Variants in SLC6A8 observed in about 807,000 individuals in gnomAD.
SLC6A8 encodes sodium- and chloride-dependent creatine transporter 1.
A neutral mutation model predicts 48.3 loss-of-function variants in SLC6A8; 6 were observed. The observed-to-expected ratio is 0.12, with a 90% CI of 0.07 to 0.25. The LOEUF is 0.25. Ranked by LOEUF, SLC6A8 falls within the 10% of genes least tolerant of loss-of-function variation. The probability of loss-of-function intolerance (pLI) is 1.00; values close to 1 mark genes in which losing one functional copy is unlikely to be tolerated. For synonymous variants in SLC6A8, 245 were observed against 244.0 expected (o/e 1.00, Z -0.04); for missense variants, 260 against 551.5 (o/e 0.47, Z 5.29).
chrX:153,690,020 C>T (rs1218599645), intron 1 of SLC6A8, among the ~76,000 whole-genome samples: 1 of 113,062 alleles, frequency 8.8e-6, no homozygotes, highest in East Asian at 2.8e-4. Flanking sequence ...CGTGCCCTCA[C>T]TGTGCTGCCT....
chrX:153,695,860 A>C lies in SLC6A8; in HGVS notation c.*646A>C, dbSNP rs1212073359. 1 of 125,702 alleles carries C rather than the reference A, an allele frequency of 8.0e-6. No individual in the cohort carries two copies. Among genetic ancestry groups the C allele is most frequent in the African/African-American group, 3.2e-5 (1 of 31,234 alleles). 10.4% of individuals were successfully genotyped at this position (125,702 alleles called of 1,213,427 possible). On this transcript the variant is annotated 3_prime_UTR_variant, in exon 13 of 13. Transcript: ENST00000253122. Reference sequence around the variant, plus strand: ...GTACGGAGAGTATATATAGATCTCTATCTCTTAGCAAAGGTGAATGCCAGA... The same window carrying C: ...GTACGGAGAGTATATATAGATCTCTCTCTCTTAGCAAAGGTGAATGCCAGA...
rs1250175594 is a variant in SLC6A8, at chrX:153,691,428, C to T, written c.519C>T (p.Gly173=). ...CCACGCTGCCCTGGGCCACATGTGG[C>T]CACACCTGGAACACTCCCGACTGCG... ...FTTTLPWATC[G]HTWNTPDCVE... Residue 173 remains glycine, a synonymous_variant, in exon 3 of 13, where the codon GGC becomes GGT. Transcript: ENST00000253122. 8.3e-7 allele frequency: 1 copy of T among 1,210,746 alleles called. No homozygotes were observed. The highest frequency in any genetic ancestry group is 1.1e-6 in the Non-Finnish European group (1 of 894,992).
In SLC6A8 at chrX:153,695,228, A is replaced by G; in HGVS notation, c.*14A>G. ...AGTGTCATGTGACAACTCAGCTCACATCACCAGCTCACCTCTGGTAGCCAT... is the reference window on the plus strand; with the variant it reads ...AGTGTCATGTGACAACTCAGCTCACGTCACCAGCTCACCTCTGGTAGCCAT... On this transcript the variant is annotated 3_prime_UTR_variant, in exon 13 of 13. Coordinates refer to ENST00000253122, the MANE Select transcript of SLC6A8 (RefSeq NM_005629.4). 8.5e-7 allele frequency: 1 copy of G among 1,176,318 alleles called. No homozygotes were observed. The highest frequency in any genetic ancestry group is 1.1e-6 in the Non-Finnish European group (1 of 876,396).
At chrX:153,690,091 G>A in intron 1 of SLC6A8, among the ~76,000 whole-genome samples, 1 of 113,218 alleles carries the variant, frequency 8.8e-6, no homozygotes, top group East Asian at 2.8e-4. Context: ...GTCCTCCATG[G>A]CCATCGCCCC....
Position 153,695,582 on chromosome X carries a change from C to A in SLC6A8, c.*368C>A, listed in dbSNP as rs2091486323. On this transcript the variant is annotated 3_prime_UTR_variant, in exon 13 of 13. Transcript: ENST00000253122. ...CACACCCGTGGGTGACCCCTCACCC[C>A]AGAAGCAGCAGTGGCAGCTTGGGAA... The A allele has an allele frequency of 1.8e-5, 4 of 220,250 alleles. No homozygotes were observed. In the Admixed American group the frequency reaches 2.6e-4, roughly 14 times the overall value. 18.2% of individuals were successfully genotyped at this position (220,250 alleles called of 1,213,427 possible).
At chrX:153,692,950 A>G (rs1309451939) in intron 4 of SLC6A8, 91 bp from the exon 5 acceptor site, 3 of 1,090,830 alleles carry the variant, frequency 2.8e-6, no homozygotes, top group Admixed American at 2.2e-5. Flanking sequence ...ACCTCTGAAC[A>G]TACCTGCCCG....
chrX:153,688,170 G>T lies in SLC6A8; in HGVS notation c.-405G>T, dbSNP rs1280450844. On this transcript the variant is annotated 5_prime_UTR_variant, in exon 1 of 13. Coordinates refer to ENST00000253122, the MANE Select transcript of SLC6A8 (RefSeq NM_005629.4). ...CTGCTCCGGCCGCCGCTTGCAGACC[G>T]CGGGCGCCGATGTCGCCCGCGCCCC... is the stretch of plus-strand genomic sequence containing the variant. 1.0e-5 allele frequency: 1 copy of T among 98,094 alleles called. No individual in the cohort carries two copies. The highest frequency in any genetic ancestry group is 3.7e-5 in the African/African-American group (1 of 27,318). 8.1% of individuals were successfully genotyped at this position (98,094 alleles called of 1,213,427 possible).
At position 153,694,737 on chromosome X, in the gene SLC6A8, G is replaced by A. The variant is rs782354054; in HGVS notation, c.1615G>A (p.Val539Ile). The A allele has an allele frequency of 1.7e-5, 20 of 1,209,713 alleles. No homozygotes were observed. Among genetic ancestry groups the A allele is most frequent in the Admixed American group, 6.5e-5 (3 of 45,931 alleles). Residue 539 changes from valine to isoleucine, a missense_variant, in exon 12 of 13, where the codon GTT becomes ATT. Val to Ile is a conservative substitution (Grantham distance 29). This residue lies in a region of SLC6A8 where 87 missense variants were observed against 120.9 expected (regional missense o/e 0.72). Coordinates refer to ENST00000253122, the MANE Select transcript of SLC6A8 (RefSeq NM_005629.4). ...LVCMGIFIFN[V>I]VYYEPLVYNN... ...TCCGTAGGGCATCTTCATCTTCAAC[G>A]TTGTGTACTACGAGCCGCTGGTCTA...
chrX:153,693,843 C>A, intron 7 of SLC6A8, 62 bp from the exon 8 acceptor site: 1 of 959,587 alleles, frequency 1.0e-6, no homozygotes, highest in Non-Finnish European at 1.5e-6. Flanking sequence ...GCAGGCAGGG[C>A]TCAGGGTGCG....
intron 12 of SLC6A8, 27 bp downstream of exon 12, chrX:153,694,916 C>T: frequency 1.8e-6 from 2 of 1,128,187 alleles, no homozygotes; most frequent in Non-Finnish European, 1.2e-6. Context: ...GCCCGCCCTC[C>T]CCTCCCCTGC....
intron 4 of SLC6A8, chrX:153,692,725 A>T: frequency 2.5e-6 from 1 of 394,961 alleles, no homozygotes; most frequent in Non-Finnish European, 4.7e-6. Context: ...TGCACTGCCC[A>T]CACACTCATA....
Position 153,693,030 on chromosome X carries a change from T to C in SLC6A8, c.778-11T>C, listed in dbSNP as rs59653252. ...GTGCCACAGCCTCCGCTGAGCAGCC[T>C]GGCCCCCCAGATCGTGTACTTCACT... On this transcript the variant is annotated splice_polypyrimidine_tract_variant and intron_variant, in intron 4 of 12. Transcript: ENST00000253122. The C allele has an allele frequency of 8.3e-7, 1 of 1,210,799 alleles. No individual in the cohort carries two copies.
At chrX:153,694,307 C>A in intron 9 of SLC6A8, 37 bp from the exon 10 acceptor site, 1 of 1,209,094 alleles carries the variant, frequency 8.3e-7, no homozygotes, top group African/African-American at 1.7e-5. Flanking sequence ...CTCTGGTGGC[C>A]GTCTGCCATC....
chrX:153,694,722 A>G lies in SLC6A8; in HGVS notation c.1600A>G (p.Ile534Val). 1 of 1,208,631 alleles carries G rather than the reference A, an allele frequency of 8.3e-7. No homozygotes were observed. Among genetic ancestry groups the G allele is most frequent in the Non-Finnish European group, 1.1e-6 (1 of 893,451 alleles). The change falls in exon 12 of 13, where the codon ATC becomes GTC. Residue 534 changes from isoleucine (I) to valine (V), a missense_variant. Ile to Val is a conservative substitution (Grantham distance 29, BLOSUM62 3). Coordinates refer to ENST00000253122, the MANE Select transcript of SLC6A8 (RefSeq NM_005629.4). ...ACCGCAGCATTCTGGTCCGTAGGGC[A>G]TCTTCATCTTCAACGTTGTGTACTA... ...SFFTPLVCMGIFIFNVVYYEP... is the reference protein window; with the variant it reads ...SFFTPLVCMGVFIFNVVYYEP...
rs2091436513 is a variant in SLC6A8 at position 153,688,645 on chromosome X, C to T, written c.71C>T (p.Ala24Val). ...GACGAGAAGAAGGGCCCCCTCATCGCGCCCGGGCCCGACGGGGCCCCGGCC... is the reference window on the plus strand; with the variant it reads ...GACGAGAAGAAGGGCCCCCTCATCGTGCCCGGGCCCGACGGGGCCCCGGCC... ...SGDEKKGPLIAPGPDGAPAKG... is the reference protein window; with the variant it reads ...SGDEKKGPLIVPGPDGAPAKG... Residue 24 changes from alanine (A) to valine (V), a missense_variant, in exon 1 of 13, where the codon GCG becomes GTG. Ala to Val is a moderately conservative substitution (Grantham distance 64, BLOSUM62 0). Transcript: ENST00000253122. 1.9e-6 allele frequency: 2 copies of T among 1,075,874 alleles called. No individual in the cohort carries two copies. The highest frequency in any genetic ancestry group is 4.0e-5 in the African/African-American group (2 of 50,047). The allele number at this position is 1,075,874 out of a possible 1,213,427, so 88.7% of individuals were successfully genotyped here. A position where few individuals can be genotyped will look rare whatever the true frequency, so the allele number is the denominator to read the frequency against.
chrX:153,687,946 C>A lies in SLC6A8; in HGVS notation c.-629C>A, dbSNP rs1374329342. 9.5e-6 allele frequency among the ~76,000 whole-genome samples: 1 copy of A among 105,002 alleles called. No individual in the cohort carries two copies. Among genetic ancestry groups the A allele is most frequent in the Non-Finnish European group, 2.0e-5 (1 of 50,400 alleles). The allele number at this position is 105,002 out of a possible 115,157, so 91.2% of individuals were successfully genotyped here. ...ACGGGGAAGAGAGGGATAGTCGGAGCGAGGTGGCGAGTCGCTGAGCCCGCC... is the reference window on the plus strand; with the variant it reads ...ACGGGGAAGAGAGGGATAGTCGGAGAGAGGTGGCGAGTCGCTGAGCCCGCC... On this transcript the variant is annotated 5_prime_UTR_variant, in exon 1 of 13. Coordinates refer to ENST00000253122, the MANE Select transcript of SLC6A8 (RefSeq NM_005629.4).
rs1369714283 is a variant in SLC6A8, at chrX:153,695,021, G to A, written c.1768-53G>A. On this transcript the variant is annotated intron_variant, in intron 12 of 12. Transcript: ENST00000253122. ...CCGGAGAGAGGCAGAGGAAGTCACC[G>A]TGGGGACGAGCAGGTGACCCTGGGG... is the stretch of plus-strand genomic sequence containing the variant. 2.9e-5 allele frequency: 34 copies of A among 1,167,858 alleles called. 1 individual carries two copies. The highest frequency in any genetic ancestry group is 7.1e-5 in the African/African-American group (4 of 56,054).
chrX:153,691,928 C>A (rs782020525), intron 3 of SLC6A8, 47 bp from the exon 4 acceptor site: 1 of 1,153,620 alleles, frequency 8.7e-7, no homozygotes. Flanking sequence ...CCTGTGGCTC[C>A]ATCCTCTGCT....
rs1557045331 is a variant in SLC6A8 at position 153,694,014 on chromosome X, C to T, written c.1251C>T (p.Ser417=). Residue 417 remains serine (S), a synonymous_variant, in exon 8 of 13, where the codon AGC becomes AGT. Transcript: ENST00000253122. ...TGCTGTTGCTGCTTGGTCTCGACAGCCAGGTTTGCATGGGGCTCTGGGACA... is the reference window on the plus strand; with the variant it reads ...TGCTGTTGCTGCTTGGTCTCGACAGTCAGGTTTGCATGGGGCTCTGGGACA... ...FFMLLLLGLD[S]QFVGVEGFIT... is the part of the protein sequence containing the mutation. The T allele has an allele frequency of 8.5e-7, 1 of 1,181,522 alleles. No individual in the cohort carries two copies. The highest frequency in any genetic ancestry group is 1.8e-5 in the South Asian group (1 of 54,429).
Sources: gnomAD v4.1 joint callset for allele counts (sites outside exome capture counted in the v4.1 genomes callset) on GRCh38, gnomAD v4.1.1 for gene constraint, gnomAD v4.1.1 regional missense constraint, MANE v1.5 for transcripts, NCBI Gene and HGNC (gene_info 2026-07-23, HGNC 2026-07-21) for gene names.